The following SPMIP7 variants were observed in gnomAD, a reference collection of about 807,000 sequenced individuals.
SPMIP7 encodes the protein protein SPMIP7.
At chr7:50,125,377 C>CACACATAT in the SPMIP7 span, among the ~76,000 whole-genome samples, 5 of 9,722 alleles carry the variant, frequency 5.1e-4, no homozygotes, top group Non-Finnish European at 8.5e-4. Context: ...TATATATACA[C>CACACATAT]ATATACACAC....
the SPMIP7 span, among the ~76,000 whole-genome samples, chr7:50,119,606 T>C: frequency 3.3e-5 from 5 of 152,194 alleles, no homozygotes; most frequent in African/African-American, 9.6e-5. Context: ...ACAGTCATGC[T>C]AAAACCTCAA....
At chr7:50,149,121 G>A in the SPMIP7 span, among the ~76,000 whole-genome samples, 1 of 146,350 alleles carries the variant, frequency 6.8e-6, no homozygotes, top group Non-Finnish European at 1.5e-5. Flanking sequence ...CTCCAGCCTG[G>A]GCAATACAGC....
the SPMIP7 span, among the ~76,000 whole-genome samples, chr7:50,158,179 C>T: frequency 6.7e-6 from 1 of 149,612 alleles, no homozygotes; most frequent in Non-Finnish European, 1.5e-5. Context: ...TGTCTTCTCC[C>T]AGCCCCTAGG....
the SPMIP7 span, among the ~76,000 whole-genome samples, chr7:50,131,799 A>G: frequency 6.6e-6 from 1 of 152,142 alleles, no homozygotes; most frequent in Non-Finnish European, 1.5e-5. Flanking sequence ...TGGATTTAGA[A>G]TTCAGCAGAG....
chr7:50,124,436 T>G, the SPMIP7 span, among the ~76,000 whole-genome samples: 1 of 152,142 alleles, frequency 6.6e-6, no homozygotes, highest in Admixed American at 6.6e-5. Flanking sequence ...AAATATTCTT[T>G]TCAAATGCAC....
the SPMIP7 span, chr7:50,096,738 A>G: frequency 1.1e-6 from 1 of 931,214 alleles, no homozygotes; most frequent in Non-Finnish European, 1.5e-6. Context: ...ACAAAATTAC[A>G]ATGATCTGAA....
At chr7:50,147,049 C>T in the SPMIP7 span, among the ~76,000 whole-genome samples, 3 of 152,204 alleles carry the variant, frequency 2.0e-5, no homozygotes, top group South Asian at 2.1e-4. Flanking sequence ...CTCACACCCC[C>T]CTCCCTTATG....
chr7:50,133,611 A>G, the SPMIP7 span, among the ~76,000 whole-genome samples: 9 of 152,246 alleles, frequency 5.9e-5, no homozygotes, highest in African/African-American at 2.2e-4. Context: ...GTATGTCCCA[A>G]CTGGGTTTAC....
At chr7:50,131,458 G>A in the SPMIP7 span, among the ~76,000 whole-genome samples, 1 of 152,194 alleles carries the variant, frequency 6.6e-6, no homozygotes, top group African/African-American at 2.4e-5. Flanking sequence ...GTTTGAGGCA[G>A]AGGCCTGGGC....
the SPMIP7 span, among the ~76,000 whole-genome samples, chr7:50,139,533 G>A: frequency 2.0e-5 from 3 of 152,058 alleles, no homozygotes; most frequent in Non-Finnish European, 4.4e-5. Flanking sequence ...TGGTAAAATG[G>A]CAAATAGCTC....
At chr7:50,096,432 A>G in the SPMIP7 span, 4 of 1,551,686 alleles carry the variant, frequency 2.6e-6, no homozygotes, top group Non-Finnish European at 3.5e-6. Flanking sequence ...CCTGGTGGTG[A>G]TGCTGATTTA....
At chr7:50,118,407 G>T in the SPMIP7 span, among the ~76,000 whole-genome samples, 1 of 152,108 alleles carries the variant, frequency 6.6e-6, no homozygotes, top group Non-Finnish European at 1.5e-5. Context: ...ACCAATGTTT[G>T]GTTTGTCAAA....
chr7:50,101,611 C>A, the SPMIP7 span, among the ~76,000 whole-genome samples: 1 of 152,186 alleles, frequency 6.6e-6, no homozygotes, highest in Non-Finnish European at 1.5e-5. Context: ...TGTAATTCAT[C>A]GTCCAGAGTC....
At chr7:50,099,064 T>C in the SPMIP7 span, among the ~76,000 whole-genome samples, 1 of 152,206 alleles carries the variant, frequency 6.6e-6, no homozygotes, top group East Asian at 1.9e-4. Flanking sequence ...TTGACTACTT[T>C]AGGTTCCTCA....
At chr7:50,153,452 G>A in the SPMIP7 span, among the ~76,000 whole-genome samples, 236 of 152,342 alleles carry the variant, frequency 1.5e-3, 1 homozygote, top group Admixed American at 3.5e-3. Flanking sequence ...GTCAATGCAT[G>A]TTTACTGTGC....
At chr7:50,123,567 TAATAAATAAATA>T in the SPMIP7 span, among the ~76,000 whole-genome samples, 20 of 146,324 alleles carry the variant, frequency 1.4e-4, no homozygotes, top group South Asian at 2.2e-4. Flanking sequence ...TAAAGTATAA[TAATAAATAAATA>T]AATAAATAAA....
the SPMIP7 span, among the ~76,000 whole-genome samples, chr7:50,139,688 C>T: frequency 6.6e-6 from 1 of 152,136 alleles, no homozygotes; most frequent in African/African-American, 2.4e-5. Context: ...CAGTGGAAGC[C>T]TCCTGTACGT....
the SPMIP7 span, among the ~76,000 whole-genome samples, chr7:50,101,473 G>T: frequency 5.3e-5 from 8 of 152,094 alleles, no homozygotes; most frequent in African/African-American, 1.9e-4. Context: ...TCTGAATCCT[G>T]GGAGAGAATA....
chr7:50,136,250 T>A, the SPMIP7 span: 1 of 1,009,840 alleles, frequency 9.9e-7, no homozygotes, highest in East Asian at 2.6e-5. Context: ...AGCCCTTGGC[T>A]TAGAGGTGTG....
Sources: allele counts gnomAD v4.1 joint callset (sites outside exome capture counted in the v4.1 genomes callset), GRCh38; gene constraint gnomAD v4.1.1; transcripts MANE v1.5; gene names NCBI Gene and HGNC (gene_info 2026-07-23, HGNC 2026-07-21).